Variants in PPP1CC observed in about 807,000 individuals in gnomAD.
PPP1CC encodes the protein serine/threonine-protein phosphatase PP1-gamma catalytic subunit.
In PPP1CC, 16 loss-of-function variants were observed where a neutral mutation model predicts 38.4. That is an observed-to-expected ratio of 0.42 (90% CI 0.28 to 0.63). The LOEUF is 0.63. Ranked by LOEUF, PPP1CC falls within the 30% of genes least tolerant of loss-of-function variation. The probability of loss-of-function intolerance (pLI) is 0.25; values close to 1 mark genes in which losing one functional copy is unlikely to be tolerated. For synonymous variants in PPP1CC, 158 were observed against 136.0 expected, an observed-to-expected ratio of 1.16 and a Z score of -1.13; for missense variants, 170 against 391.3, an observed-to-expected ratio of 0.43 and a Z score of 4.77.
the PPP1CC span, among the ~76,000 whole-genome samples, chr12:110,712,538 G>C: frequency 6.7e-6 from 1 of 149,788 alleles, no homozygotes; most frequent in South Asian, 2.1e-4. Context: ...TACTCGGGAG[G>C]CTGAGGCAGG....
Position 110,735,958 on chromosome 12 carries a change from G to A in PPP1CC, c.56-4057C>T, listed in dbSNP as rs1053528005. ...CAGGCACCTGTAATCCCAGCTACTC[G>A]GGAGGCTGAGGCAGGAGAATCGCTG... On this transcript the variant is annotated intron_variant, in intron 1 of 6. Coordinates refer to ENST00000335007, the MANE Select transcript of PPP1CC (RefSeq NM_002710.4). Among the ~76,000 whole-genome samples, 8 of 151,920 alleles carry A rather than the reference G, an allele frequency of 5.3e-5. No homozygotes were observed. The South Asian group carries it at 8.3e-4, about 16-fold the overall frequency.
At chr12:110,739,744 C>T (rs964828834) in intron 1 of PPP1CC, among the ~76,000 whole-genome samples, 1 of 152,146 alleles carries the variant, frequency 6.6e-6, no homozygotes, top group African/African-American at 2.4e-5. Flanking sequence ...AAGTTACAAC[C>T]ACCTGCTATG....
chr12:110,721,455 AGG>A (rs1416775900), intron 6 of PPP1CC: 1 of 230,760 alleles, frequency 4.3e-6, no homozygotes, highest in Admixed American at 5.3e-5. Flanking sequence ...CTTCTGATAC[AGG>A]GGAAAAAGTT....
intron 1 of PPP1CC, among the ~76,000 whole-genome samples, chr12:110,733,158 C>G (rs1032385583): frequency 2.0e-5 from 3 of 152,116 alleles, no homozygotes; most frequent in Admixed American, 2.0e-4. Context: ...GGAAATACTC[C>G]CGGTGAAAGA....
chr12:110,721,176 A>C lies in PPP1CC; in HGVS notation c.883-11T>G, dbSNP rs1302618820. The C allele has an allele frequency of 6.2e-7, 1 of 1,608,594 alleles. No individual in the cohort carries two copies. The highest frequency in any genetic ancestry group is 2.2e-5 in the East Asian group (1 of 44,856). Reference sequence around the variant, plus strand: ...TGCAGGCTTTAAAATCTGGAGATTCAAAAGACAGTTAATTTAGGAAATATA... The same window carrying C: ...TGCAGGCTTTAAAATCTGGAGATTCCAAAGACAGTTAATTTAGGAAATATA... On this transcript the variant is annotated splice_polypyrimidine_tract_variant and intron_variant, in intron 6 of 6. Transcript: ENST00000335007.
chr12:110,742,858 T>G lies in PPP1CC; in HGVS notation c.-151A>C. The G allele has an allele frequency of 6.5e-6, 3 of 462,816 alleles. No individual in the cohort carries two copies. The highest frequency in any genetic ancestry group is 1.1e-5 in the Non-Finnish European group (3 of 274,936). 28.7% of individuals were successfully genotyped at this position (462,816 alleles called of 1,614,324 possible). On this transcript the variant is annotated 5_prime_UTR_variant, in exon 1 of 7. Transcript: ENST00000335007. ...CCCCCCCTGCCACCCCGCTCCCTAC[T>G]TCCTCCTTCTCTCCCCACTGGAACC... is the stretch of plus-strand genomic sequence containing the variant.
chr12:110,712,691 T>G, the PPP1CC span, among the ~76,000 whole-genome samples: 1 of 130,578 alleles, frequency 7.7e-6, no homozygotes, highest in Non-Finnish European at 1.7e-5. Flanking sequence ...ATCCCCTTGA[T>G]GAAAAACCCT....
rs759238783 is a variant in PPP1CC, at chr12:110,742,667, T to C, written c.41A>G (p.Gln14Arg). 1 of 1,474,620 alleles carries C rather than the reference T, an allele frequency of 6.8e-7. No homozygotes were observed. 91.3% of individuals were successfully genotyped at this position (1,474,620 alleles called of 1,614,324 possible). A position where few individuals can be genotyped will look rare whatever the true frequency, so the allele number is the denominator to read the frequency against. Residue 14 changes from glutamine (Q) to arginine (R), a missense_variant, in exon 1 of 7, where the codon CAA (glutamine) becomes CGA (arginine). By Grantham distance (43) the Gln-to-Arg change is conservative. Around this residue, in one of 3 missense-constraint regions of PPP1CC, gnomAD observed 30 missense variants for 23.0 expected, o/e 1.30. Transcript: ENST00000335007. Reference protein sequence around the residue: ...LDKLNIDSIIQRLLEVRGSKP... With the variant: ...LDKLNIDSIIRRLLEVRGSKP... ...GCCCCCCTTACCTTCCAGCAGCCGT[T>C]GGATAATGCTGTCGATGTTGAGTTT...
In PPP1CC at chr12:110,722,725, GA is replaced by G; in HGVS notation, c.524-31del. ...TCAATGAGGAAAAAAAAAAAATGAA[GA>G]AAGCAGAACTTTTAAAAGGATACTA... On this transcript the variant is annotated intron_variant, in intron 4 of 6. Transcript: ENST00000335007. This position sits in a 1 kb window ranked among gnomAD's most constrained non-coding sequence, Gnocchi z 5.4. 1 of 1,530,210 alleles carries G rather than the reference GA, an allele frequency of 6.5e-7. No individual in the cohort carries two copies. 94.8% of individuals were successfully genotyped at this position (1,530,210 alleles called of 1,614,324 possible). A position where few individuals can be genotyped will look rare whatever the true frequency, so the allele number is the denominator to read the frequency against.
chr12:110,721,113 G>A lies in PPP1CC; in HGVS notation c.935C>T (p.Pro312Leu). 3.1e-6 allele frequency: 5 copies of A among 1,613,906 alleles called. No homozygotes were observed. Among genetic ancestry groups the A allele is most frequent in the Non-Finnish European group, 4.2e-6 (5 of 1,179,824 alleles). Residue 312 changes from proline to leucine, a missense_variant, in exon 7 of 7, where the codon CCT becomes CTT. By Grantham distance (98) the Pro-to-Leu change is moderately conservative. Transcript: ENST00000335007. Reference protein sequence around the residue: ...KKPNATRPVTPPRGMITKQAK... With the variant: ...KKPNATRPVTLPRGMITKQAK... ...TTGCTTTGTGATCATACCCCTTGGA[G>A]GCGTTACAGGTCTCGTGGCATTTGG...
intron 3 of PPP1CC, among the ~76,000 whole-genome samples, chr12:110,730,120 T>G (rs1239677508): frequency 6.6e-6 from 1 of 152,242 alleles, no homozygotes. Flanking sequence ...GTACTTTGAG[T>G]GGCCTAGGCG....
Position 110,740,202 on chromosome 12 carries a change from TG to T in PPP1CC, c.55+2450del, listed in dbSNP as rs112497703. ...TCAATTCTAAACACGTAAAAAAATCTGGCCAAAGTCACAAGTCATATTCCCT... is the reference window on the plus strand; with the variant it reads ...TCAATTCTAAACACGTAAAAAAATCTGCCAAAGTCACAAGTCATATTCCCT... On this transcript the variant is annotated intron_variant, in intron 1 of 6. Coordinates refer to ENST00000335007, the MANE Select transcript of PPP1CC (RefSeq NM_002710.4). Among the ~76,000 whole-genome samples the T allele has an allele frequency of 1.5e-3, 224 of 152,306 alleles. 1 individual carries two copies. The highest frequency in any genetic ancestry group is 5.1e-3 in the African/African-American group (210 of 41,552).
the PPP1CC span, among the ~76,000 whole-genome samples, chr12:110,709,939 A>G: frequency 1.2e-5 from 1 of 84,108 alleles, no homozygotes; most frequent in South Asian, 5.2e-4. Flanking sequence ...CCAAAATAAT[A>G]ATAATAATAA....
chr12:110,712,940 G>A, the PPP1CC span, among the ~76,000 whole-genome samples: 1 of 151,932 alleles, frequency 6.6e-6, no homozygotes, highest in African/African-American at 2.4e-5. Flanking sequence ...AGGCGTGGTG[G>A]CATATGCCTA....
At chr12:110,709,493 G>A in the PPP1CC span, among the ~76,000 whole-genome samples, 1 of 151,858 alleles carries the variant, frequency 6.6e-6, no homozygotes, top group South Asian at 2.1e-4. Context: ...CTCCCAAAGT[G>A]TTGAGATTAC....
chr12:110,742,650 T>C lies in PPP1CC; in HGVS notation c.55+3A>G. 1.4e-6 allele frequency: 2 copies of C among 1,471,270 alleles called. No homozygotes were observed. Among genetic ancestry groups the C allele is most frequent in the Non-Finnish European group, 1.8e-6 (2 of 1,104,958 alleles). 91.1% of individuals were successfully genotyped at this position (1,471,270 alleles called of 1,614,324 possible). On this transcript the variant is annotated splice_donor_region_variant and intron_variant, in intron 1 of 6. Transcript: ENST00000335007. Reference sequence around the variant, plus strand: ...CCCTTCAGCCGCCCGCCGCCCCCCTTACCTTCCAGCAGCCGTTGGATAATG... The same window carrying C: ...CCCTTCAGCCGCCCGCCGCCCCCCTCACCTTCCAGCAGCCGTTGGATAATG...
the PPP1CC span, among the ~76,000 whole-genome samples, chr12:110,710,020 A>G: frequency 6.6e-6 from 1 of 150,954 alleles, no homozygotes; most frequent in African/African-American, 2.4e-5. Flanking sequence ...AAAATGTAGT[A>G]ATTAAAATTA....
chr12:110,720,732 C>A lies in PPP1CC; in HGVS notation c.*344G>T. 1 of 205,424 alleles carries A rather than the reference C, an allele frequency of 4.9e-6. No individual in the cohort carries two copies. 12.7% of individuals were successfully genotyped at this position (205,424 alleles called of 1,614,324 possible). On this transcript the variant is annotated 3_prime_UTR_variant, in exon 7 of 7. Coordinates refer to ENST00000335007, the MANE Select transcript of PPP1CC (RefSeq NM_002710.4). ...CTCTTTATGTCCTAAAGAAAATGAGCATTTACATGATTATGGGTTGTACTG... is the reference window on the plus strand; with the variant it reads ...CTCTTTATGTCCTAAAGAAAATGAGAATTTACATGATTATGGGTTGTACTG...
downstream of PPP1CC, among the ~76,000 whole-genome samples, chr12:110,715,748 A>T (rs1188395430): frequency 6.6e-6 from 1 of 151,952 alleles, no homozygotes; most frequent in African/African-American, 2.4e-5. Context: ...CCTCCTGAGT[A>T]GCTGGGATTA....
Sources: gnomAD v4.1 joint callset for allele counts (sites outside exome capture counted in the v4.1 genomes callset) on GRCh38, gnomAD v4.1.1 for gene constraint, gnomAD v4.1.1 regional missense constraint, Gnocchi (gnomAD v3.1) non-coding constraint, MANE v1.5 for transcripts, NCBI Gene and HGNC (gene_info 2026-07-23, HGNC 2026-07-21) for gene names.